The following MTUS1 variants were observed in gnomAD, a reference collection of about 807,000 sequenced individuals.
MTUS1 encodes the protein microtubule associated scaffold protein 1.
MTUS1 carries 109 observed loss-of-function variants against 120.8 expected under a neutral mutation model. That is an observed-to-expected ratio of 0.90 (90% CI 0.77 to 1.06). The LOEUF is 1.06. Among genes scored for constraint, MTUS1 ranks in the 50% least tolerant of loss-of-function variants. MTUS1 has a pLI of 0.00. For missense variants in MTUS1, 2,210 were observed against 1,486.3 expected (o/e 1.49, Z -8.01); for synonymous variants, 737 against 550.5 (o/e 1.34, Z -4.74).
At chr8:17,680,752 A>C (rs1322338962) in intron 7 of MTUS1, among the ~76,000 whole-genome samples, 20 of 152,046 alleles carry the variant, frequency 1.3e-4, no homozygotes, top group African/African-American at 4.8e-4. Flanking sequence ...TGCATGAGGG[A>C]AAAGTATCTT....
At chr8:17,770,670 G>C (rs962031126) in intron 1 of MTUS1, 1 of 152,126 alleles carries the variant, frequency 6.6e-6, no homozygotes, top group African/African-American at 2.4e-5. Flanking sequence ...GCAGTAATAG[G>C]GCTGAGTGTA....
At chr8:17,753,146 A>G (rs1161885643) in intron 2 of MTUS1, among the ~76,000 whole-genome samples, 3 of 152,178 alleles carry the variant, frequency 2.0e-5, no homozygotes, top group Non-Finnish European at 4.4e-5. Context: ...TCACACATCC[A>G]CTAGGTCCAA....
At chr8:17,779,444 G>A (rs543998282) in intron 1 of MTUS1, among the ~76,000 whole-genome samples, 1 of 152,292 alleles carries the variant, frequency 6.6e-6, no homozygotes, top group East Asian at 1.9e-4. Flanking sequence ...TTGCCTATGG[G>A]TAAACTAAAA....
intron 1 of MTUS1, among the ~76,000 whole-genome samples, chr8:17,778,184 C>T (rs1376904070): frequency 6.6e-6 from 1 of 152,034 alleles, no homozygotes; most frequent in Non-Finnish European, 1.5e-5. Flanking sequence ...TGATGAAATA[C>T]CACTCCACAA....
At chr8:17,747,229 A>G (rs920200116) in intron 2 of MTUS1, among the ~76,000 whole-genome samples, 1 of 144,804 alleles carries the variant, frequency 6.9e-6, no homozygotes. Flanking sequence ...AGCTCCCACC[A>G]CACCTACCTA....
intron 12 of MTUS1, chr8:17,651,853 T>G (rs1807072290): frequency 6.6e-6 from 1 of 152,208 alleles, no homozygotes; most frequent in Non-Finnish European, 1.5e-5. Context: ...ACCTGTTTCC[T>G]GAGCCATCAA....
chr8:17,647,535 A>G (rs753295650), intron 13 of MTUS1, among the ~76,000 whole-genome samples: 5 of 152,082 alleles, frequency 3.3e-5, no homozygotes, highest in Admixed American at 2.6e-4. Flanking sequence ...AACGTTTACT[A>G]TGGACTTGAA....
intron 1 of MTUS1, among the ~76,000 whole-genome samples, chr8:17,798,989 G>A (rs1009526733): frequency 6.7e-6 from 1 of 150,022 alleles, no homozygotes; most frequent in Admixed American, 6.7e-5. Context: ...TATAGAGAAA[G>A]CACTGTTCAC....
chr8:17,722,006 A>G, intron 4 of MTUS1: 1 of 1,428,336 alleles, frequency 7.0e-7, no homozygotes, highest in Admixed American at 2.8e-5. Context: ...AAAAAAAAAA[A>G]AATGCGTAAG....
At chr8:17,760,625 A>T (rs1019602746) in intron 1 of MTUS1, among the ~76,000 whole-genome samples, 2 of 152,164 alleles carry the variant, frequency 1.3e-5, no homozygotes, top group Non-Finnish European at 2.9e-5. Flanking sequence ...ATGGGTCCTA[A>T]GCTTGCACCA....
chr8:17,674,496 T>G (rs2130641322), intron 8 of MTUS1: 1 of 984,868 alleles, frequency 1.0e-6, no homozygotes, highest in East Asian at 1.1e-4. Flanking sequence ...CCATGAACCC[T>G]AAGGGCTTCC....
chr8:17,722,170 G>T, intron 4 of MTUS1: 1 of 1,098,942 alleles, frequency 9.1e-7, no homozygotes, highest in South Asian at 3.8e-5. Flanking sequence ...AAGACAAAAA[G>T]GAATGGACAA....
At chr8:17,769,719 T>C (rs1012016057) in intron 1 of MTUS1, among the ~76,000 whole-genome samples, 2 of 152,168 alleles carry the variant, frequency 1.3e-5, no homozygotes, top group African/African-American at 4.8e-5. Flanking sequence ...AAACATATCA[T>C]AAAAGCAGCA....
intron 1 of MTUS1, among the ~76,000 whole-genome samples, chr8:17,793,047 G>A (rs997427247): frequency 6.6e-6 from 1 of 151,238 alleles, no homozygotes; most frequent in African/African-American, 2.5e-5. Context: ...AGACTGCAAA[G>A]TTATCTGAAT....
In MTUS1 at chr8:17,755,592, T is replaced by TA. The variant is rs2048551538; in HGVS notation, c.215dup (p.Leu72PhefsTer7). The TA allele has an allele frequency of 6.2e-7, 1 of 1,613,996 alleles. No homozygotes were observed. Among genetic ancestry groups the TA allele is most frequent in the Non-Finnish European group, 8.5e-7 (1 of 1,180,020 alleles). ...CAAATACTTCAACACCCTGAAGGCT[T>TA]AAAGAAATATTTTCACCAGTAACTA... On this transcript the variant is annotated frameshift_variant, in exon 2 of 15. Coordinates refer to ENST00000693296, the MANE Select transcript of MTUS1 (RefSeq NM_001363059.2). LOFTEE classifies it high-confidence loss of function.
At chr8:17,749,635 G>C (rs190522833) in intron 2 of MTUS1, among the ~76,000 whole-genome samples, 248 of 145,168 alleles carry the variant, frequency 1.7e-3, no homozygotes, top group African/African-American at 6.2e-3. Flanking sequence ...TGCACCCCCA[G>C]CCTGGGCAAC....
chr8:17,785,578 A>T (rs965763210), intron 1 of MTUS1, among the ~76,000 whole-genome samples: 50 of 152,356 alleles, frequency 3.3e-4, no homozygotes, highest in African/African-American at 1.2e-3. Flanking sequence ...AAGGGGTACA[A>T]AACTGCAGCA....
At chr8:17,771,019 G>A (rs1415613698) in intron 1 of MTUS1, among the ~76,000 whole-genome samples, 1 of 152,168 alleles carries the variant, frequency 6.6e-6, no homozygotes, top group Non-Finnish European at 1.5e-5. Context: ...AAGATGTTAA[G>A]TATGCATCTA....
chr8:17,766,130 T>G (rs1314493225), intron 1 of MTUS1, among the ~76,000 whole-genome samples: 1 of 152,198 alleles, frequency 6.6e-6, no homozygotes, highest in Non-Finnish European at 1.5e-5. Context: ...ATTTAGTGAA[T>G]TTTTGTCACC....
Sources: allele counts gnomAD v4.1 joint callset (sites outside exome capture counted in the v4.1 genomes callset), GRCh38; gene constraint gnomAD v4.1.1; transcripts MANE v1.5; gene names NCBI Gene and HGNC (gene_info 2026-07-23, HGNC 2026-07-21).